CLEC4F: variants seen among roughly 807,000 people sequenced by gnomAD.
CLEC4F encodes the protein C-type lectin domain family 4 member F.
Under a neutral mutation model 53.4 loss-of-function variants are expected in CLEC4F, and 45 were observed. That is an observed-to-expected ratio of 0.84 (90% CI 0.66 to 1.08). CLEC4F has a LOEUF of 1.08. Ranked by LOEUF, CLEC4F falls within the 50% of genes least tolerant of loss-of-function variation. The pLI is 0.00. For synonymous variants in CLEC4F, 245 were observed against 257.5 expected (o/e 0.95, Z 0.46); for missense variants, 753 against 698.2 (o/e 1.08, Z -0.88).
In CLEC4F at chr2:70,809,812, G is replaced by A. The variant is rs1553393758; in HGVS notation, c.1585C>T (p.Leu529Phe). The change falls in exon 6 of 7, where the codon CTC (leucine) becomes TTC (phenylalanine). Residue 529 changes from leucine to phenylalanine, a missense_variant. By Grantham distance (22) the Leu-to-Phe change is conservative. Coordinates refer to ENST00000272367, the MANE Select transcript of CLEC4F (RefSeq NM_173535.3). ...GAGCCCTCTGTGCCCCTGTCAGTGA[G>A]ACCGATCCAGTAGTACACTTTACTT... is the stretch of plus-strand genomic sequence containing the variant. ...FTSKVYYWIG[L>F]TDRGTEGSWR... 1 of 1,614,038 alleles carries A rather than the reference G, an allele frequency of 6.2e-7. No homozygotes were observed. The highest frequency in any genetic ancestry group is 2.2e-5 in the East Asian group (1 of 44,898).
At position 70,816,442 on chromosome 2, in the gene CLEC4F, A is replaced by G. The variant is rs782022191; in HGVS notation, c.939T>C (p.Thr313=). 1 of 1,614,058 alleles carries G rather than the reference A, an allele frequency of 6.2e-7. No homozygotes were observed. The change falls in exon 4 of 7, where the codon ACT becomes ACC. Residue 313 remains threonine, a synonymous_variant. Coordinates refer to ENST00000272367, the MANE Select transcript of CLEC4F (RefSeq NM_173535.3). The part of the protein sequence containing the change: ...QAFIKSSFDN[T]SAEIQFLRGH... ...CTCTTAAGAACTGGATCTCAGCACT[A>G]GTGTTGTCAAAACTGCTTTTTATAA...
chr2:70,822,979 G>C (rs1310897514), upstream of CLEC4F, among the ~76,000 whole-genome samples: 12 of 152,248 alleles, frequency 7.9e-5, no homozygotes, highest in African/African-American at 2.2e-4. Context: ...CGGGCCAGGA[G>C]AACAGCTTTG....
chr2:70,820,520 C>G lies in CLEC4F; in HGVS notation c.4G>C (p.Asp2His). The G allele has an allele frequency of 6.3e-7, 1 of 1,586,064 alleles. No homozygotes were observed. Among genetic ancestry groups the G allele is most frequent in the East Asian group, 2.3e-5 (1 of 43,882 alleles). The part of the protein sequence containing the change: M[D>H]GEAVRFCTDN... ...GTGCAGAAGCGGACTGCCTCACCGT[C>G]CATCTCTGCTTCCTTGATCCTCCAG... is the stretch of plus-strand genomic sequence containing the variant. The change falls in exon 1 of 7, where the codon GAC becomes CAC. Residue 2 changes from aspartate to histidine, a missense_variant. Asp to His is a moderately conservative substitution (Grantham distance 81). Transcript: ENST00000272367.
chr2:70,812,620 AAAG>A, intron 4 of CLEC4F, 22 bp from the exon 5 acceptor site: 1 of 1,612,760 alleles, frequency 6.2e-7, no homozygotes, highest in Non-Finnish European at 8.5e-7. Flanking sequence ...ATTGGGGAGA[AAAG>A]AGAACCAGGA....
Position 70,809,256 on chromosome 2 carries a change from G to A in CLEC4F, c.*15C>T, listed in dbSNP as rs782137997. 8 of 1,613,344 alleles carry A rather than the reference G, an allele frequency of 5.0e-6. No individual in the cohort carries two copies. The highest frequency in any genetic ancestry group is 6.8e-6 in the Non-Finnish European group (8 of 1,179,810). ...GAGAAGGAGTACCCTGAGGGTGTCT[G>A]TGCTCAGGTTGCTCTTAGTTACTGA... On this transcript the variant is annotated 3_prime_UTR_variant, in exon 7 of 7. Transcript: ENST00000272367.
Position 70,809,292 on chromosome 2 carries a change from A to T in CLEC4F, c.1749T>A (p.Cys583Ter), listed in dbSNP as rs782727721. ...GCTCTTAGTTACTGAGGATCCAGGG[A>T]CAGGGAGGGGTGTCTATGAAGCTGC... is the stretch of plus-strand genomic sequence containing the variant. ...GACSFIDTPP[C>*]PWILSN Residue 583 changes from cysteine to a stop codon, truncating the protein, a stop_gained, in exon 7 of 7, where the codon TGT (cysteine) becomes TGA (stop). Coordinates refer to ENST00000272367, the MANE Select transcript of CLEC4F (RefSeq NM_173535.3). LOFTEE classifies it high-confidence loss of function. 68 of 1,613,898 alleles carry T rather than the reference A, an allele frequency of 4.2e-5. No individual in the cohort carries two copies. The highest frequency in any genetic ancestry group is 1.0e-4 in the Admixed American group (6 of 59,986).
chr2:70,814,914 A>G (rs1553395406), intron 4 of CLEC4F, among the ~76,000 whole-genome samples: 3 of 151,708 alleles, frequency 2.0e-5, no homozygotes, highest in East Asian at 1.9e-4. Context: ...GGGCGATTCC[A>G]GTGTGCCCCC....
In CLEC4F at chr2:70,809,456, C is replaced by T. The variant is rs1676418690; in HGVS notation, c.1659-74G>A. On this transcript the variant is annotated intron_variant, in intron 6 of 6. Coordinates refer to ENST00000272367, the MANE Select transcript of CLEC4F (RefSeq NM_173535.3). ...ATGCCAGCCTCAGGACCTGTCCTTT[C>T]CTAATGACCCTCTGTGGAGGAGTCC... 2.0e-6 allele frequency: 3 copies of T among 1,470,408 alleles called. No individual in the cohort carries two copies. In the Admixed American group the frequency reaches 7.0e-5, roughly 34 times the overall value. 91.1% of individuals were successfully genotyped at this position (1,470,408 alleles called of 1,614,324 possible). A position where few individuals can be genotyped will look rare whatever the true frequency, so the allele number is the denominator to read the frequency against.
intron 4 of CLEC4F, among the ~76,000 whole-genome samples, chr2:70,814,324 T>C (rs1205597413): frequency 6.6e-6 from 1 of 152,124 alleles, no homozygotes; most frequent in Non-Finnish European, 1.5e-5. Context: ...CAGAAGAAGG[T>C]ACTCCTAATG....
chr2:70,816,747 G>A lies in CLEC4F; in HGVS notation c.634C>T (p.Leu212Phe), dbSNP rs1676938371. The change falls in exon 4 of 7, where the codon CTC becomes TTC. Residue 212 changes from leucine to phenylalanine, a missense_variant. Physicochemically the swap from Leu to Phe is conservative, Grantham distance 22. Coordinates refer to ENST00000272367, the MANE Select transcript of CLEC4F (RefSeq NM_173535.3). ...KSSLENTSIE[L>F]HVLSRGLENA... ...TCTAAGCCTCTGCTTAGCACGTGGA[G>A]CTCAATGCTGGTGTTTTCTAAACTG... 1.2e-6 allele frequency: 2 copies of A among 1,614,160 alleles called. No individual in the cohort carries two copies. Among genetic ancestry groups the A allele is most frequent in the South Asian group, 1.1e-5 (1 of 91,084 alleles).
At chr2:70,819,564 G>T in intron 2 of CLEC4F, 120 bp from the exon 3 acceptor site, 3 of 1,009,860 alleles carry the variant, frequency 3.0e-6, no homozygotes, top group Non-Finnish European at 4.7e-6. Context: ...CCCTCCCAGG[G>T]TTTCCCTCAT....
At chr2:70,822,413 C>G (rs569469080), upstream of CLEC4F, among the ~76,000 whole-genome samples, 1 of 150,436 alleles carries the variant, frequency 6.6e-6, no homozygotes, top group Admixed American at 6.7e-5. Flanking sequence ...TTTCAATGAG[C>G]CCTATCCCTT....
intron 5 of CLEC4F, chr2:70,811,581 C>G (rs186983590): frequency 3.1e-6 from 1 of 317,540 alleles, no homozygotes; most frequent in African/African-American, 2.2e-5. Flanking sequence ...GGGGGGTAGG[C>G]AGTTCTGCAA....
intron 6 of CLEC4F, among the ~76,000 whole-genome samples, 170 bp from the exon 7 acceptor site, chr2:70,809,552 G>A (rs956629702): frequency 3.3e-5 from 5 of 151,898 alleles, no homozygotes; most frequent in East Asian, 3.9e-4. Flanking sequence ...CATACACCTC[G>A]CACACCACAT....
intron 4 of CLEC4F, among the ~76,000 whole-genome samples, chr2:70,813,497 TC>T (rs1344012655): frequency 4.6e-5 from 5 of 108,710 alleles, no homozygotes; most frequent in Admixed American, 9.9e-5. Context: ...TCTTTCTTTT[TC>T]TTTCTTTCTT....
chr2:70,819,710 G>A (rs1677123465), intron 2 of CLEC4F, 65 bp downstream of exon 2: 10 of 1,209,110 alleles, frequency 8.3e-6, no homozygotes, highest in Middle Eastern at 2.0e-4. Flanking sequence ...TGCATCTGGG[G>A]CCCCTGGGGA....
Position 70,816,124 on chromosome 2 carries a change from G to C in CLEC4F, c.1257C>G (p.Ala419=). ...GATCCCCTCTTAACCTCTGGATCTC[G>C]GCACTGGCCTTCTGCAGATTGCTGT... The part of the protein sequence containing the change: ...MLDSNLQKAS[A]EIQRLRGDLE... The change falls in exon 4 of 7, where the codon GCC becomes GCG. Residue 419 remains alanine (A), a synonymous_variant. Transcript: ENST00000272367. 1 of 1,614,112 alleles carries C rather than the reference G, an allele frequency of 6.2e-7. No individual in the cohort carries two copies. Among genetic ancestry groups the C allele is most frequent in the Non-Finnish European group, 8.5e-7 (1 of 1,180,020 alleles).
chr2:70,824,804 A>G (rs1272404854), upstream of CLEC4F, among the ~76,000 whole-genome samples: 2 of 152,212 alleles, frequency 1.3e-5, no homozygotes, highest in East Asian at 3.8e-4. Context: ...CCATACTGAC[A>G]TAAATGAATG....
rs368089929 is a variant in CLEC4F at position 70,816,176 on chromosome 2, G to T, written c.1205C>A (p.Ala402Asp). ...TAACATCTGGGTCTGGGAAGTTAAGGCTGAAGCATTCTTCATTCCTTGTTT... is the reference window on the plus strand; with the variant it reads ...TAACATCTGGGTCTGGGAAGTTAAGTCTGAAGCATTCTTCATTCCTTGTTT... ...TLKQGMKNASALTSQTQMLDS... is the reference protein window; with the variant it reads ...TLKQGMKNASDLTSQTQMLDS... The change falls in exon 4 of 7, where the codon GCC becomes GAC. Residue 402 changes from alanine to aspartate, a missense_variant. Transcript: ENST00000272367. The T allele has an allele frequency of 6.2e-7, 1 of 1,614,174 alleles. No homozygotes were observed. The highest frequency in any genetic ancestry group is 2.2e-5 in the East Asian group (1 of 44,882).
Sources: allele counts gnomAD v4.1 joint callset (sites outside exome capture counted in the v4.1 genomes callset), GRCh38; gene constraint gnomAD v4.1.1; transcripts MANE v1.5; gene names NCBI Gene and HGNC (gene_info 2026-07-23, HGNC 2026-07-21).